Variants in IL1RAPL1 observed in about 807,000 individuals in gnomAD.
The protein encoded by IL1RAPL1 is interleukin 1 receptor accessory protein like 1.
Under a neutral mutation model 48.4 loss-of-function variants are expected in IL1RAPL1, and 3 were observed. The observed-to-expected ratio is 0.06, with a 90% CI of 0.03 to 0.16. IL1RAPL1 has a LOEUF of 0.16. Among genes scored for constraint, IL1RAPL1 ranks in the 10% least tolerant of loss-of-function variants. The probability of loss-of-function intolerance (pLI) is 1.00; values close to 1 mark genes in which losing one functional copy is unlikely to be tolerated. For synonymous variants in IL1RAPL1, 185 were observed against 187.7 expected, an observed-to-expected ratio of 0.99 and a Z score of 0.12; for missense variants, 349 against 530.6, an observed-to-expected ratio of 0.66 and a Z score of 3.36.
At chrX:29,909,356 G>A (rs1006209774) in intron 6 of IL1RAPL1, among the ~76,000 whole-genome samples, 3 of 111,117 alleles carry the variant, frequency 2.7e-5, no homozygotes, top group Non-Finnish European at 5.7e-5. Flanking sequence ...GCTTGAGCTC[G>A]GGAGGTTGAA....
At chrX:28,826,403 A>G (rs1936995246) in intron 2 of IL1RAPL1, among the ~76,000 whole-genome samples, 1 of 111,576 alleles carries the variant, frequency 9.0e-6, no homozygotes, top group African/African-American at 3.3e-5. Context: ...CTACCTCCTT[A>G]ATGGTATTAA....
chrX:29,863,559 T>C (rs1931633610), intron 6 of IL1RAPL1, among the ~76,000 whole-genome samples: 1 of 111,328 alleles, frequency 9.0e-6, no homozygotes, highest in African/African-American at 3.3e-5. Flanking sequence ...ATAGAAGGGT[T>C]CTCTCATGAG....
chrX:29,903,142 C>T (rs180784309), intron 6 of IL1RAPL1, among the ~76,000 whole-genome samples: 1 of 102,531 alleles, frequency 9.8e-6, no homozygotes, highest in African/African-American at 3.5e-5. Context: ...GAAGTTCCAA[C>T]GAACTTCATT....
intron 2 of IL1RAPL1, among the ~76,000 whole-genome samples, chrX:28,857,984 A>C (rs920748205): frequency 3.6e-5 from 4 of 112,136 alleles, no homozygotes; most frequent in Non-Finnish European, 5.6e-5. Context: ...GAGGAGGTCA[A>C]AATATCCACA....
At chrX:29,018,185 T>G (rs983981759) in intron 2 of IL1RAPL1, among the ~76,000 whole-genome samples, 3 of 112,315 alleles carry the variant, frequency 2.7e-5, no homozygotes, top group African/African-American at 6.5e-5. Flanking sequence ...TTTACTCTTT[T>G]GCTCTAGCAA....
At chrX:29,828,045 T>A (rs181350023) in intron 6 of IL1RAPL1, among the ~76,000 whole-genome samples, 1 of 111,816 alleles carries the variant, frequency 8.9e-6, no homozygotes, top group East Asian at 2.8e-4. Flanking sequence ...TGATATTAAC[T>A]GCTATTTATT....
chrX:29,569,632 C>CA (rs748577565), intron 5 of IL1RAPL1, among the ~76,000 whole-genome samples: 1,389 of 78,838 alleles, frequency 0.018, 19 homozygotes, highest in African/African-American at 0.057. Context: ...AATAAAATTG[C>CA]AAAAAAAAAA....
chrX:29,335,564 T>C (rs924540064), intron 3 of IL1RAPL1, among the ~76,000 whole-genome samples: 3 of 110,134 alleles, frequency 2.7e-5, no homozygotes, highest in Non-Finnish European at 5.7e-5. Flanking sequence ...CCTGAGTCTG[T>C]TGTAAAAAGT....
At chrX:29,204,160 G>A (rs1032270056) in intron 2 of IL1RAPL1, among the ~76,000 whole-genome samples, 8 of 111,621 alleles carry the variant, frequency 7.2e-5, no homozygotes, top group Non-Finnish European at 1.3e-4. Context: ...TTGGCTATTG[G>A]GAATAGTGCT....
At chrX:29,423,333 A>G (rs1934313739) in intron 5 of IL1RAPL1, among the ~76,000 whole-genome samples, 1 of 112,138 alleles carries the variant, frequency 8.9e-6, no homozygotes, top group Non-Finnish European at 1.9e-5. Context: ...CCTAAAACGT[A>G]TAAAGCCAAG....
chrX:29,794,628 C>T (rs996445982), intron 6 of IL1RAPL1, among the ~76,000 whole-genome samples: 1 of 111,624 alleles, frequency 9.0e-6, no homozygotes, highest in African/African-American at 3.3e-5. Context: ...TCTGTAGGAA[C>T]TTCCACAAAT....
chrX:29,345,964 G>A (rs144079600), intron 3 of IL1RAPL1, among the ~76,000 whole-genome samples: 6,901 of 111,498 alleles, frequency 0.062, 303 homozygotes, highest in African/African-American at 0.14. Flanking sequence ...CTCTAAAATA[G>A]GAAAGTTACT....
intron 1 of IL1RAPL1, among the ~76,000 whole-genome samples, chrX:28,618,931 G>A (rs182846106): frequency 1.7e-4 from 19 of 111,448 alleles, no homozygotes; most frequent in Non-Finnish European, 3.2e-4. Flanking sequence ...ATGTAATCCT[G>A]CTGGCTGCAC....
chrX:29,511,608 A>G (rs944691415), intron 5 of IL1RAPL1, among the ~76,000 whole-genome samples: 3 of 111,944 alleles, frequency 2.7e-5, no homozygotes, highest in East Asian at 2.8e-4. Flanking sequence ...TAGGATCCAC[A>G]TGTAGAATAC....
Position 29,203,088 on chromosome X carries a change from C to T in IL1RAPL1, c.83-79850C>T, listed in dbSNP as rs113113781. ...TTTTAGTACAGAACTGAGATCTGTACTAGGTGAGAGGATTTTTAAATGCTG... is the reference window on the plus strand; with the variant it reads ...TTTTAGTACAGAACTGAGATCTGTATTAGGTGAGAGGATTTTTAAATGCTG... On this transcript the variant is annotated intron_variant, in intron 2 of 10. Transcript: ENST00000378993. Among the ~76,000 whole-genome samples the T allele has an allele frequency of 3.6e-3, 397 of 111,432 alleles. 2 individuals carry two copies. Among genetic ancestry groups the T allele is most frequent in the African/African-American group, 0.012 (359 of 30,655 alleles).
chrX:28,918,982 A>T (rs1017628077), intron 2 of IL1RAPL1, among the ~76,000 whole-genome samples: 1 of 111,569 alleles, frequency 9.0e-6, no homozygotes, highest in African/African-American at 3.3e-5. Context: ...ATAACTTGCT[A>T]CTAAGTGGTG....
At chrX:29,530,363 T>C (rs1935599934) in intron 5 of IL1RAPL1, among the ~76,000 whole-genome samples, 1 of 110,744 alleles carries the variant, frequency 9.0e-6, no homozygotes, top group South Asian at 3.8e-4. Flanking sequence ...TGTGGGGAGA[T>C]GAGAAAGTGA....
intron 5 of IL1RAPL1, among the ~76,000 whole-genome samples, chrX:29,414,307 C>T (rs1259815089): frequency 9.0e-6 from 1 of 111,609 alleles, no homozygotes; most frequent in Non-Finnish European, 1.9e-5. Flanking sequence ...GTATTTAATG[C>T]CATTTAATTG....
Position 29,059,331 on chromosome X carries a change from C to T in IL1RAPL1, c.83-223607C>T, listed in dbSNP as rs749958710. ...GAAACTTCCTTTCAACCTCAACACC[C>T]GAAATGTTTGCTGCAATACCTTTTC... On this transcript the variant is annotated intron_variant, in intron 2 of 10. Coordinates refer to ENST00000378993, the MANE Select transcript of IL1RAPL1 (RefSeq NM_014271.4). 9.1e-5 allele frequency among the ~76,000 whole-genome samples: 10 copies of T among 110,195 alleles called. No homozygotes were observed. The East Asian group carries it at 1.4e-3, about 16-fold the overall frequency.
Sources: allele counts gnomAD v4.1 joint callset (sites outside exome capture counted in the v4.1 genomes callset), GRCh38; gene constraint gnomAD v4.1.1; transcripts MANE v1.5; gene names NCBI Gene and HGNC (gene_info 2026-07-23, HGNC 2026-07-21).